NAA25: variants seen among roughly 807,000 people sequenced by gnomAD.
NAA25 encodes the protein N-alpha-acetyltransferase 25, NatB auxiliary subunit, also known as N-terminal acetyltransferase B complex subunit NAA25.
Under a neutral mutation model 132.5 loss-of-function variants are expected in NAA25, and 30 were observed. The observed-to-expected ratio is 0.23, with a 90% CI of 0.17 to 0.31. The LOEUF is 0.31. Ranked by LOEUF, NAA25 falls within the 10% of genes least tolerant of loss-of-function variation. The pLI is 1.00. For missense variants in NAA25, 771 were observed against 1,150.4 expected, an observed-to-expected ratio of 0.67 and a Z score of 4.77; for synonymous variants, 359 against 401.9, an observed-to-expected ratio of 0.89 and a Z score of 1.28.
At chr12:112,101,629 T>G (rs781044792) in intron 1 of NAA25, among the ~76,000 whole-genome samples, 1 of 151,974 alleles carries the variant, frequency 6.6e-6, no homozygotes, top group East Asian at 1.9e-4. Context: ...TGGTGGCAGG[T>G]GCTTGTAATC....
At position 112,061,367 on chromosome 12, in the gene NAA25, C is replaced by T. The variant is rs374444296; in HGVS notation, c.1171G>A (p.Val391Ile). The change falls in exon 12 of 24, where the codon GTT becomes ATT. Residue 391 changes from valine (V) to isoleucine (I), a missense_variant. Around this residue, in one of 3 missense-constraint regions of NAA25, gnomAD observed 417 missense variants for 733.8 expected, o/e 0.57. Transcript: ENST00000261745. ...CTKFINQLLG[V>I]VPLSTPTEDK... is the part of the protein sequence containing the mutation. ...TCTGTTGGTGTCGACAAAGGAACAACTCCAAGTAACTGATTAATAAACTGC... is the reference window on the plus strand; with the variant it reads ...TCTGTTGGTGTCGACAAAGGAACAATTCCAAGTAACTGATTAATAAACTGC... 6.2e-7 allele frequency: 1 copy of T among 1,613,840 alleles called. No individual in the cohort carries two copies. The highest frequency in any genetic ancestry group is 1.3e-5 in the African/African-American group (1 of 74,872).
At chr12:112,057,174 C>A (rs941576493) in intron 13 of NAA25, among the ~76,000 whole-genome samples, 1 of 151,542 alleles carries the variant, frequency 6.6e-6, no homozygotes, top group Non-Finnish European at 1.5e-5. Context: ...GGCAACAGAG[C>A]GAGACTCCAT....
intron 1 of NAA25, among the ~76,000 whole-genome samples, chr12:112,095,432 G>A (rs1461587216): frequency 6.8e-6 from 1 of 146,530 alleles, no homozygotes; most frequent in African/African-American, 2.5e-5. Flanking sequence ...GTGAGACTCC[G>A]TCTAAAAAAA....
At chr12:112,071,828 A>AGGTGGT in intron 10 of NAA25, 67 bp downstream of exon 10, 1 of 1,106,788 alleles carries the variant, frequency 9.0e-7, no homozygotes, top group Admixed American at 3.4e-5. Flanking sequence ...GTAGATCTCA[A>AGGTGGT]CTAATGAATA....
intron 22 of NAA25, among the ~76,000 whole-genome samples, chr12:112,038,799 G>A (rs545424337): frequency 6.6e-6 from 1 of 152,254 alleles, no homozygotes; most frequent in African/African-American, 2.4e-5. Flanking sequence ...GGCCAACAGG[G>A]AGAAATCCCG....
intron 11 of NAA25, among the ~76,000 whole-genome samples, chr12:112,063,665 G>A (rs2078671006): frequency 6.6e-6 from 1 of 152,074 alleles, no homozygotes; most frequent in Non-Finnish European, 1.5e-5. Context: ...AAGTGTATTG[G>A]GGGAAATTGA....
intron 16 of NAA25, 43 bp downstream of exon 16, chr12:112,048,249 A>T (rs756331923): frequency 1.3e-6 from 2 of 1,584,434 alleles, no homozygotes; most frequent in Non-Finnish European, 1.7e-6. Flanking sequence ...TTAACAACTG[A>T]TCTAATCCCT....
At chr12:112,095,470 C>T (rs1236744660) in intron 1 of NAA25, among the ~76,000 whole-genome samples, 2 of 150,606 alleles carry the variant, frequency 1.3e-5, no homozygotes, top group African/African-American at 2.4e-5. Context: ...TTGTCAGGTA[C>T]GGTGGCGCAT....
intron 8 of NAA25, 93 bp from the exon 9 acceptor site, chr12:112,074,857 A>T: frequency 1.0e-5 from 9 of 867,582 alleles, no homozygotes; most frequent in Non-Finnish European, 1.6e-5. Flanking sequence ...TTTGTAAGTT[A>T]TATTTTAGTA....
intron 4 of NAA25, among the ~76,000 whole-genome samples, chr12:112,081,840 T>A (rs2078977190): frequency 1.3e-5 from 2 of 152,306 alleles, no homozygotes; most frequent in South Asian, 2.1e-4. Flanking sequence ...TCCTATGAAG[T>A]AGAAGAAACT....
chr12:112,061,338 A>C lies in NAA25; in HGVS notation c.1200T>G (p.Asp400Glu). ...TGATGTCAGCAGGCAGTGCCAGCTT[A>C]TCCTCTGTTGGTGTCGACAAAGGAA... ...GVVPLSTPTE[D>E]KLALPADIRA... The change falls in exon 12 of 24, where the codon GAT (aspartate) becomes GAG (glutamate). Residue 400 changes from aspartate to glutamate, a missense_variant. Physicochemically the swap from Asp to Glu is conservative, Grantham distance 45. Around this residue, in one of 3 missense-constraint regions of NAA25, gnomAD observed 417 missense variants for 733.8 expected, o/e 0.57. Transcript: ENST00000261745. 6.2e-7 allele frequency: 1 copy of C among 1,614,220 alleles called. No homozygotes were observed. Among genetic ancestry groups the C allele is most frequent in the Non-Finnish European group, 8.5e-7 (1 of 1,180,030 alleles).
intron 8 of NAA25, among the ~76,000 whole-genome samples, 163 bp from the exon 9 acceptor site, chr12:112,074,927 T>C (rs1047471136): frequency 3.3e-5 from 5 of 152,178 alleles, no homozygotes; most frequent in African/African-American, 9.7e-5. Context: ...TAAAAGGGCA[T>C]TTTCAAAGTA....
At chr12:112,063,726 GACTATA>G (rs1812753772) in intron 11 of NAA25, among the ~76,000 whole-genome samples, 2 of 152,086 alleles carry the variant, frequency 1.3e-5, no homozygotes, top group Admixed American at 1.3e-4. Context: ...AATAGGATAA[GACTATA>G]ACTATAAAAA....
intron 4 of NAA25, among the ~76,000 whole-genome samples, chr12:112,086,808 T>A (rs1164741115): frequency 6.6e-6 from 1 of 151,982 alleles, no homozygotes; most frequent in African/African-American, 2.4e-5. Context: ...GGTCGGGAGT[T>A]TGAGACCAGC....
chr12:112,075,819 G>A (rs532613117), intron 7 of NAA25, 30 bp from the exon 8 acceptor site: 1 of 1,580,286 alleles, frequency 6.3e-7, no homozygotes, highest in African/African-American at 1.3e-5. Flanking sequence ...AAGTTGGTAA[G>A]CTGGTTTCAT....
intron 4 of NAA25, among the ~76,000 whole-genome samples, chr12:112,085,232 A>C (rs565825889): frequency 1.3e-5 from 2 of 152,140 alleles, no homozygotes; most frequent in East Asian, 3.9e-4. Context: ...TATATCACAC[A>C]CACAAAAAAA....
intron 1 of NAA25, among the ~76,000 whole-genome samples, chr12:112,108,057 C>A (rs1364915718): frequency 6.6e-6 from 1 of 152,048 alleles, no homozygotes; most frequent in Non-Finnish European, 1.5e-5. Flanking sequence ...GCCCCTCTGA[C>A]ACGAGCTATC....
Position 112,049,633 on chromosome 12 carries a change from G to A in NAA25, c.1729-1190C>T, listed in dbSNP as rs2136827361. Reference sequence around the variant, plus strand: ...GTATCTGGAGAAATTAAAGACGGACGGACACAAGAAAATTAAAAAGATTAC... The same window carrying A: ...GTATCTGGAGAAATTAAAGACGGACAGACACAAGAAAATTAAAAAGATTAC... On this transcript the variant is annotated intron_variant, in intron 15 of 23. Coordinates refer to ENST00000261745, the MANE Select transcript of NAA25 (RefSeq NM_024953.4). This position sits in a 1 kb window ranked among gnomAD's most constrained non-coding sequence, Gnocchi z 4.7. The A allele has an allele frequency of 1.0e-6, 1 of 985,536 alleles. No individual in the cohort carries two copies. Among genetic ancestry groups the A allele is most frequent in the East Asian group, 1.1e-4 (1 of 8,812 alleles). The allele number at this position is 985,536 out of a possible 1,614,324, so 61.0% of individuals were successfully genotyped here.
chr12:112,040,970 T>A (rs2078292726), intron 20 of NAA25, among the ~76,000 whole-genome samples: 1 of 152,040 alleles, frequency 6.6e-6, no homozygotes, highest in Non-Finnish European at 1.5e-5. Context: ...AGATAATAAA[T>A]TTTATTATCA....
Sources: allele counts gnomAD v4.1 joint callset (sites outside exome capture counted in the v4.1 genomes callset), GRCh38; gene constraint gnomAD v4.1.1; regional missense constraint gnomAD v4.1.1; non-coding constraint Gnocchi (gnomAD v3.1); transcripts MANE v1.5; gene names NCBI Gene and HGNC (gene_info 2026-07-23, HGNC 2026-07-21).